The following NFKB1 variants were observed in gnomAD, a reference collection of about 807,000 sequenced individuals.
NFKB1 encodes the protein nuclear factor NF-kappa-B p105 subunit.
Under a neutral mutation model 105.1 loss-of-function variants are expected in NFKB1, and 9 were observed. That is an observed-to-expected ratio of 0.09 (90% CI 0.05 to 0.15). The LOEUF (loss-of-function observed/expected upper bound fraction) is 0.15, where lower values mean the gene tolerates loss of function less well. Among genes scored for constraint, NFKB1 ranks in the 10% least tolerant of loss-of-function variants. NFKB1 has a pLI of 1.00. For missense variants in NFKB1, 830 were observed against 1,203.7 expected (o/e 0.69, Z 4.59); for synonymous variants, 440 against 442.2 (o/e 1.00, Z 0.06).
In NFKB1 at chr4:102,575,898, C is replaced by T. The variant is rs1724782234; in HGVS notation, c.408-978C>T. On this transcript the variant is annotated intron_variant, in intron 6 of 23. Transcript: ENST00000226574. ...TTCAGTGAAGGTAGAGATTCTTTTA[C>T]TGCTGACAAAAGCATCTAGGACATT... Among the ~76,000 whole-genome samples, 3 of 152,208 alleles carry T rather than the reference C, an allele frequency of 2.0e-5. No homozygotes were observed. In the South Asian group the frequency reaches 6.2e-4, roughly 31 times the overall value.
intron 2 of NFKB1, among the ~76,000 whole-genome samples, chr4:102,526,242 G>T (rs762226645): frequency 3.9e-5 from 6 of 152,070 alleles, no homozygotes; most frequent in Non-Finnish European, 8.8e-5. Context: ...CTTTTTGGGA[G>T]GGAACACAGT....
At chr4:102,590,671 T>G (rs895271313) in intron 11 of NFKB1, among the ~76,000 whole-genome samples, 2 of 152,216 alleles carry the variant, frequency 1.3e-5, no homozygotes, top group African/African-American at 4.8e-5. Context: ...CTCTACTGAC[T>G]GGCAATTCCT....
intron 1 of NFKB1, among the ~76,000 whole-genome samples, chr4:102,507,111 T>C (rs1486378283): frequency 6.6e-6 from 1 of 151,250 alleles, no homozygotes; most frequent in Non-Finnish European, 1.5e-5. Flanking sequence ...GAGAAAGAAA[T>C]TAAATGTTAA....
chr4:102,577,822 A>G (rs960580439), intron 7 of NFKB1: 1 of 984,844 alleles, frequency 1.0e-6, no homozygotes, highest in African/African-American at 1.8e-5. Flanking sequence ...ACTACATTCC[A>G]TTTTCATTGT....
At chr4:102,516,077 G>T (rs150746838) in intron 1 of NFKB1, among the ~76,000 whole-genome samples, 4 of 151,544 alleles carry the variant, frequency 2.6e-5, no homozygotes, top group African/African-American at 7.3e-5. Flanking sequence ...CTTCTAGCTT[G>T]TACTGTATCT....
chr4:102,594,910 A>T lies in NFKB1; in HGVS notation c.1229A>T (p.Tyr410Phe), dbSNP rs1461019247. Residue 410 changes from tyrosine (Y) to phenylalanine (F), a missense_variant, in exon 13 of 24, where the codon TAT (tyrosine) becomes TTT (phenylalanine). Tyr to Phe is a conservative substitution (Grantham distance 22). Coordinates refer to ENST00000226574, the MANE Select transcript of NFKB1 (RefSeq NM_003998.4). ...GTTTCAGGGTATAGCTTCCCACACT[A>T]TGGATTTCCTACTTATGGTGGGATT... is the stretch of plus-strand genomic sequence containing the variant. ...STGPGYSFPH[Y>F]GFPTYGGITF... 6.2e-7 allele frequency: 1 copy of T among 1,611,152 alleles called. No homozygotes were observed. Among genetic ancestry groups the T allele is most frequent in the Admixed American group, 1.7e-5 (1 of 59,878 alleles).
intron 12 of NFKB1, among the ~76,000 whole-genome samples, chr4:102,594,058 G>A (rs1158195848): frequency 6.6e-6 from 1 of 152,116 alleles, no homozygotes; most frequent in Non-Finnish European, 1.5e-5. Flanking sequence ...GAATACAGCT[G>A]TGATCATCAT....
intron 1 of NFKB1, among the ~76,000 whole-genome samples, chr4:102,511,315 C>T (rs1004536177): frequency 1.3e-5 from 2 of 152,238 alleles, no homozygotes; most frequent in South Asian, 2.1e-4. Flanking sequence ...GGACAAGGCA[C>T]ACAGTGCCAA....
At chr4:102,502,386 GCGCGCACACACACACACACACA>G (rs1440036351) in intron 1 of NFKB1, among the ~76,000 whole-genome samples, 3 of 102,116 alleles carry the variant, frequency 2.9e-5, no homozygotes, top group African/African-American at 1.9e-4. Context: ...GCGCGCGCGC[GCGCGCACACACACACACACACA>G]CACACACACA....
chr4:102,549,952 G>A (rs888761093), intron 5 of NFKB1, among the ~76,000 whole-genome samples: 1 of 152,058 alleles, frequency 6.6e-6, no homozygotes. Context: ...GTGGATTTTA[G>A]CATCCATGAA....
intron 11 of NFKB1, among the ~76,000 whole-genome samples, chr4:102,592,926 G>A (rs1726291026): frequency 6.6e-6 from 1 of 152,148 alleles, no homozygotes; most frequent in Non-Finnish European, 1.5e-5. Flanking sequence ...CTGTTATAGT[G>A]CTGTCTCACT....
intron 6 of NFKB1, among the ~76,000 whole-genome samples, chr4:102,572,719 G>T (rs1342410266): frequency 6.6e-6 from 1 of 152,148 alleles, no homozygotes; most frequent in Non-Finnish European, 1.5e-5. Flanking sequence ...CCATATGTTT[G>T]TTGGTGGCAT....
At chr4:102,597,454 A>C (rs1726719563) in intron 14 of NFKB1, 66 bp from the exon 15 acceptor site, 1 of 1,501,516 alleles carries the variant, frequency 6.7e-7, no homozygotes, top group South Asian at 1.3e-5. Context: ...GTTTGTCCTT[A>C]AGCATGCCAT....
At chr4:102,605,568 C>A (rs1329198582) in intron 16 of NFKB1, among the ~76,000 whole-genome samples, 1 of 152,180 alleles carries the variant, frequency 6.6e-6, no homozygotes, top group Admixed American at 6.5e-5. Context: ...TTGAAAGATA[C>A]GTTTGTGATT....
intron 3 of NFKB1, among the ~76,000 whole-genome samples, chr4:102,532,232 G>A (rs569142980): frequency 3.3e-5 from 5 of 151,752 alleles, no homozygotes; most frequent in Non-Finnish European, 5.9e-5. Context: ...TTTTCAACTC[G>A]CTTCCTTGTA....
Position 102,501,729 on chromosome 4 carries a change from C to T in NFKB1, c.-67C>T, listed in dbSNP as rs1374037469. 6.6e-6 allele frequency: 1 copy of T among 152,262 alleles called. No individual in the cohort carries two copies. Among genetic ancestry groups the T allele is most frequent in the East Asian group, 1.9e-4 (1 of 5,192 alleles). 9.4% of individuals were successfully genotyped at this position (152,262 alleles called of 1,614,324 possible). The stretch of plus-strand genomic sequence containing the variant: ...CTTCCTTCTCCAGCCGGCAGGCCCG[C>T]GCCGCTTAGGAGGGAGAGCCCACCC... On this transcript the variant is annotated 5_prime_UTR_variant, in exon 1 of 24. Coordinates refer to ENST00000226574, the MANE Select transcript of NFKB1 (RefSeq NM_003998.4).
intron 5 of NFKB1, among the ~76,000 whole-genome samples, chr4:102,545,490 A>G (rs1373447612): frequency 1.3e-5 from 2 of 152,170 alleles, no homozygotes; most frequent in Non-Finnish European, 2.9e-5. Context: ...ATTGAAGCCT[A>G]GAGAAATTAA....
intron 14 of NFKB1, 121 bp downstream of exon 14, chr4:102,596,453 A>G: frequency 1.4e-6 from 1 of 719,066 alleles, no homozygotes; most frequent in Non-Finnish European, 2.0e-6. Context: ...TACTCTTCAA[A>G]GTTCTGTATG....
chr4:102,529,840 T>C lies in NFKB1; in HGVS notation c.44T>C (p.Phe15Ser). The C allele has an allele frequency of 6.3e-7, 1 of 1,596,596 alleles. No individual in the cohort carries two copies. The highest frequency in any genetic ancestry group is 8.6e-7 in the Non-Finnish European group (1 of 1,166,774). The change falls in exon 3 of 24, where the codon TTT (phenylalanine) becomes TCT (serine). Residue 15 changes from phenylalanine (F) to serine (S), a missense_variant. Physicochemically the swap from Phe to Ser is radical, Grantham distance 155. Around this residue, in one of 8 missense-constraint regions of NFKB1, gnomAD observed 46 missense variants for 48.3 expected, o/e 0.95. Transcript: ENST00000226574. Reference sequence around the variant, plus strand: ...TTTAAATGTTCTTCTTTACAGATGTTTCATTTGGATCCTTCTTTGACTCAT... The same window carrying C: ...TTTAAATGTTCTTCTTTACAGATGTCTCATTTGGATCCTTCTTTGACTCAT... ...DPYLGRPEQM[F>S]HLDPSLTHTI...
Sources: gnomAD v4.1 joint callset for allele counts (sites outside exome capture counted in the v4.1 genomes callset) on GRCh38, gnomAD v4.1.1 for gene constraint, gnomAD v4.1.1 regional missense constraint, MANE v1.5 for transcripts, NCBI Gene and HGNC (gene_info 2026-07-23, HGNC 2026-07-21) for gene names.